EPRS1: variants seen among roughly 807,000 people sequenced by gnomAD.
EPRS1 encodes bifunctional glutamate/proline--tRNA ligase.
In EPRS1, 107 loss-of-function variants were observed where a neutral mutation model predicts 188.3. The ratio of observed to expected loss-of-function variants is 0.57; its 90% CI spans 0.49 to 0.67. EPRS1 has a LOEUF of 0.67. Ranked by LOEUF, EPRS1 falls within the 30% of genes least tolerant of loss-of-function variation. The pLI, the probability that EPRS1 is intolerant of heterozygous loss-of-function variation, is 0.00. For missense variants in EPRS1, 1,577 were observed against 1,802.2 expected, an observed-to-expected ratio of 0.88 and a Z score of 2.26; for synonymous variants, 596 against 593.1, an observed-to-expected ratio of 1.00 and a Z score of -0.07.
chr1:219,978,871 A>ATCAAGCTC, intron 27 of EPRS1, 152 bp from the exon 28 acceptor site: 1 of 545,258 alleles, frequency 1.8e-6, no homozygotes. Flanking sequence ...AATTACCTGC[A>ATCAAGCTC]AATCACTTAC....
In EPRS1 at chr1:220,034,918, G is replaced by A. The variant is rs2102597813; in HGVS notation, c.227C>T (p.Thr76Ile). 1.3e-6 allele frequency: 2 copies of A among 1,558,004 alleles called. No individual in the cohort carries two copies. Among genetic ancestry groups the A allele is most frequent in the African/African-American group, 1.4e-5 (1 of 73,916 alleles). ...GLYGSNLMEH[T>I]EIDHWLEFSA... ...AACAAAATGTTCATTGCTTACCTCA[G>A]TATGTTCCATCAGATTAGAGCCATA... is the stretch of plus-strand genomic sequence containing the variant. The change falls in exon 3 of 32, where the codon ACT becomes ATT. Residue 76 changes from threonine (T) to isoleucine (I), a missense_variant. Thr to Ile is a moderately conservative substitution (Grantham distance 89, BLOSUM62 -1). This residue lies in a region of EPRS1 where 1,278 missense variants were observed against 1,457.4 expected (regional missense o/e 0.88). Coordinates refer to ENST00000366923, the MANE Select transcript of EPRS1 (RefSeq NM_004446.3).
At chr1:220,002,618 G>C (rs972312403) in intron 16 of EPRS1, among the ~76,000 whole-genome samples, 2 of 151,996 alleles carry the variant, frequency 1.3e-5, no homozygotes, top group Non-Finnish European at 2.9e-5. Context: ...CCAGCACTTC[G>C]GGGGGCCATG....
chr1:220,040,236 T>G lies in EPRS1; in HGVS notation c.80A>C (p.Asp27Ala), dbSNP rs762442928. The G allele has an allele frequency of 6.2e-7, 1 of 1,610,522 alleles. No homozygotes were observed. ...ALLAVEHVKD[D>A]VSISVEEGKE... ...CCCTTCTTCAACGGAAATGCTGACA[T>G]CGTCTTTCACGTGTTCTACTGCCAG... Residue 27 changes from aspartate (D) to alanine (A), a missense_variant, in exon 2 of 32, where the codon GAT (aspartate) becomes GCT (alanine). By Grantham distance (126) the Asp-to-Ala change is moderately radical. Transcript: ENST00000366923.
At chr1:220,022,539 T>C (rs1475441653) in intron 8 of EPRS1, 21 bp from the exon 9 acceptor site, 2 of 1,554,408 alleles carry the variant, frequency 1.3e-6, no homozygotes, top group Non-Finnish European at 1.8e-6. Flanking sequence ...ATAATTACAT[T>C]ACGGTTCACT....
chr1:219,978,833 A>G (rs1386419970), intron 27 of EPRS1, 114 bp from the exon 28 acceptor site: 5 of 723,190 alleles, frequency 6.9e-6, no homozygotes, highest in Admixed American at 5.5e-5. Context: ...CAGCTGTGTG[A>G]TTTCTAATCT....
intron 28 of EPRS1, among the ~76,000 whole-genome samples, chr1:219,977,917 C>T (rs183243881): frequency 5.1e-4 from 77 of 152,202 alleles, no homozygotes; most frequent in African/African-American, 1.8e-3. Flanking sequence ...AGTCTCGATT[C>T]CTAATTTCTA....
chr1:219,970,531 C>A (rs1660644724), intron 30 of EPRS1, among the ~76,000 whole-genome samples: 1 of 151,952 alleles, frequency 6.6e-6, no homozygotes. Flanking sequence ...GTAATCCCAG[C>A]ACTTTGGGAG....
At chr1:219,998,210 A>G (rs896835785) in intron 17 of EPRS1, among the ~76,000 whole-genome samples, 1 of 152,090 alleles carries the variant, frequency 6.6e-6, no homozygotes, top group African/African-American at 2.4e-5. Flanking sequence ...CAAATTCCAA[A>G]AATTTTCATC....
At chr1:220,023,804 T>C (rs766277845) in intron 8 of EPRS1, among the ~76,000 whole-genome samples, 1 of 152,072 alleles carries the variant, frequency 6.6e-6, no homozygotes, top group African/African-American at 2.4e-5. Context: ...AACATAAAGA[T>C]AGAGGAAGAA....
Position 219,968,664 on chromosome 1 carries a change from G to T in EPRS1, c.*142C>A. ...AGTCTTTTATCCACTGTTAACTTAGGCATAAGAATAATTGTCCTGTGTGAC... is the reference window on the plus strand; with the variant it reads ...AGTCTTTTATCCACTGTTAACTTAGTCATAAGAATAATTGTCCTGTGTGAC... On this transcript the variant is annotated 3_prime_UTR_variant, in exon 32 of 32. Coordinates refer to ENST00000366923, the MANE Select transcript of EPRS1 (RefSeq NM_004446.3). 2.8e-6 allele frequency: 2 copies of T among 711,068 alleles called. No homozygotes were observed. The highest frequency in any genetic ancestry group is 4.7e-6 in the Non-Finnish European group (2 of 429,588). 44.0% of individuals were successfully genotyped at this position (711,068 alleles called of 1,614,324 possible). A position where few individuals can be genotyped will look rare whatever the true frequency, so the allele number is the denominator to read the frequency against.
chr1:220,020,034 T>A lies in EPRS1; in HGVS notation c.1303A>T (p.Lys435Ter). ...TTGACAAACCATGTGAGTTTTCTTT[T>A]GGATAGCACTGTGTTGTTGAGATTT... is the stretch of plus-strand genomic sequence containing the variant. ...RLNLNNTVLS[K>*]RKLTWFVNEG... Residue 435 changes from lysine (K) to a stop codon, truncating the protein, a stop_gained, in exon 10 of 32, where the codon AAA (lysine) becomes TAA (stop). Coordinates refer to ENST00000366923, the MANE Select transcript of EPRS1 (RefSeq NM_004446.3). LOFTEE classifies it high-confidence loss of function. 6.2e-7 allele frequency: 1 copy of A among 1,614,106 alleles called. No homozygotes were observed. Among genetic ancestry groups the A allele is most frequent in the Non-Finnish European group, 8.5e-7 (1 of 1,179,948 alleles).
In EPRS1 at chr1:219,968,888, A is replaced by G; in HGVS notation, c.4457T>C (p.Leu1486Pro). ...AKSLCIPFKP[L>P]CELQPGAKCV... ...TTTGGCTCCAGGCTGCAGTTCACAG[A>G]GTGGTTTGAAGGGGATGCAAAGGCT... The change falls in exon 32 of 32, where the codon CTC becomes CCC. Residue 1486 changes from leucine to proline, a missense_variant. Physicochemically the swap from Leu to Pro is moderately conservative, Grantham distance 98. Coordinates refer to ENST00000366923, the MANE Select transcript of EPRS1 (RefSeq NM_004446.3). The G allele has an allele frequency of 6.2e-7, 1 of 1,614,064 alleles. No homozygotes were observed. The highest frequency in any genetic ancestry group is 8.5e-7 in the Non-Finnish European group (1 of 1,179,944).
At position 220,001,311 on chromosome 1, in the gene EPRS1, C is replaced by T. The variant is rs987051727; in HGVS notation, c.2064-56G>A. 4 of 949,852 alleles carry T rather than the reference C, an allele frequency of 4.2e-6. No individual in the cohort carries two copies. The South Asian group carries it at 5.2e-5, about 12-fold the overall frequency. 58.8% of individuals were successfully genotyped at this position (949,852 alleles called of 1,614,324 possible). A position where few individuals can be genotyped will look rare whatever the true frequency, so the allele number is the denominator to read the frequency against. ...TATTTGAACAAAATTATCTGAACAG[C>T]AATAAACACTGAATTCCTAGATAAA... On this transcript the variant is annotated intron_variant, in intron 16 of 31. Coordinates refer to ENST00000366923, the MANE Select transcript of EPRS1 (RefSeq NM_004446.3).
chr1:219,980,256 T>C lies in EPRS1; in HGVS notation c.3556-16A>G, dbSNP rs1283541493. 6 of 1,596,688 alleles carry C rather than the reference T, an allele frequency of 3.8e-6. No homozygotes were observed. The highest frequency in any genetic ancestry group is 5.1e-6 in the Non-Finnish European group (6 of 1,167,914). On this transcript the variant is annotated splice_polypyrimidine_tract_variant and intron_variant, in intron 25 of 31. Transcript: ENST00000366923. Reference sequence around the variant, plus strand: ...TCTGCAAGACCTGTAACATTTTAAATGTAAATGTGTTCAAATTTAGGGTAC... The same window carrying C: ...TCTGCAAGACCTGTAACATTTTAAACGTAAATGTGTTCAAATTTAGGGTAC...
At chr1:219,975,471 T>C (rs1314537912) in intron 28 of EPRS1, among the ~76,000 whole-genome samples, 1 of 151,480 alleles carries the variant, frequency 6.6e-6, no homozygotes. Context: ...AGTTTCGCTC[T>C]TGTCACCCAG....
chr1:220,009,244 T>C (rs993209755), intron 13 of EPRS1, among the ~76,000 whole-genome samples: 2 of 152,130 alleles, frequency 1.3e-5, no homozygotes, highest in African/African-American at 4.8e-5. Flanking sequence ...GATAATGACA[T>C]ACATGGGAAG....
chr1:219,971,900 CTATA>C (rs1352334180), intron 30 of EPRS1, among the ~76,000 whole-genome samples, 165 bp downstream of exon 30: 2 of 147,780 alleles, frequency 1.4e-5, no homozygotes, highest in Non-Finnish European at 3.0e-5. Flanking sequence ...AAAACAAAGA[CTATA>C]TAATTAGATT....
At chr1:219,978,317 C>T (rs1416343207) in intron 28 of EPRS1, among the ~76,000 whole-genome samples, 1 of 152,090 alleles carries the variant, frequency 6.6e-6, no homozygotes, top group African/African-American at 2.4e-5. Context: ...CGTTTTTATT[C>T]TAACATAATA....
chr1:219,981,505 C>G (rs985588816), intron 23 of EPRS1, 48 bp from the exon 24 acceptor site: 3 of 1,200,296 alleles, frequency 2.5e-6, no homozygotes, highest in Non-Finnish European at 3.6e-6. Context: ...CTTTATTTCT[C>G]CTTTAGGGAT....
Sources: allele counts gnomAD v4.1 joint callset (sites outside exome capture counted in the v4.1 genomes callset), GRCh38; gene constraint gnomAD v4.1.1; regional missense constraint gnomAD v4.1.1; transcripts MANE v1.5; gene names NCBI Gene and HGNC (gene_info 2026-07-23, HGNC 2026-07-21).